The following ATG4B variants were observed in gnomAD, a reference collection of about 807,000 sequenced individuals.
The protein encoded by ATG4B is cysteine protease ATG4B.
ATG4B carries 29 observed loss-of-function variants against 56.6 expected under a neutral mutation model. The observed-to-expected ratio is 0.51, with a 90% CI of 0.38 to 0.70. The LOEUF (loss-of-function observed/expected upper bound fraction) is 0.70, where lower values mean the gene tolerates loss of function less well. ATG4B is among the 30% of genes least tolerant of loss of function. The probability of loss-of-function intolerance (pLI) is 0.00; values close to 1 mark genes in which losing one functional copy is unlikely to be tolerated. For synonymous variants in ATG4B, 224 were observed against 206.1 expected (o/e 1.09, Z -0.74); for missense variants, 461 against 515.5 (o/e 0.89, Z 1.02).
At chr2:241,670,929 G>A (rs2068948242) in intron 11 of ATG4B, 147 bp downstream of exon 11, 3 of 869,322 alleles carry the variant, frequency 3.5e-6, no homozygotes, top group East Asian at 5.3e-5. Context: ...CAGCTATGTA[G>A]CTGAGCAGGG....
rs938518700 is a variant in ATG4B at position 241,650,045 on chromosome 2, G to A, written c.11-965G>A. On this transcript the variant is annotated intron_variant, in intron 1 of 12. Transcript: ENST00000404914. ...GTGATCTGCCCACCTCGGCCTCCCA[G>A]AGTGCTGGGATCACAGGCATGAGCC... is the stretch of plus-strand genomic sequence containing the variant. Among the ~76,000 whole-genome samples the A allele has an allele frequency of 2.0e-5, 3 of 152,048 alleles. No individual in the cohort carries two copies. The South Asian group carries it at 6.2e-4, about 31-fold the overall frequency.
chr2:241,659,059 C>A, intron 6 of ATG4B, 49 bp from the exon 7 acceptor site: 1 of 1,430,404 alleles, frequency 7.0e-7, no homozygotes, highest in East Asian at 2.3e-5. Flanking sequence ...AAAGATGAAC[C>A]GTCTTTGAAT....
chr2:241,652,238 G>A (rs1392446704), intron 3 of ATG4B, among the ~76,000 whole-genome samples: 1 of 152,250 alleles, frequency 6.6e-6, no homozygotes, highest in Non-Finnish European at 1.5e-5. Flanking sequence ...TGTGCCCTGG[G>A]AATAGTTGCT....
intron 1 of ATG4B, among the ~76,000 whole-genome samples, chr2:241,647,929 C>T (rs934730343): frequency 6.6e-6 from 1 of 151,942 alleles, no homozygotes; most frequent in Non-Finnish European, 1.5e-5. Flanking sequence ...GCCTGGCTAA[C>T]ACAGTGAAAC....
intron 8 of ATG4B, among the ~76,000 whole-genome samples, chr2:241,667,134 C>T (rs1010170778): frequency 3.9e-5 from 6 of 152,162 alleles, no homozygotes; most frequent in African/African-American, 1.2e-4. Context: ...CGGGGAGCCC[C>T]GCCCCCTCCC....
intron 6 of ATG4B, among the ~76,000 whole-genome samples, chr2:241,658,434 T>G (rs2068482705): frequency 6.6e-6 from 1 of 151,850 alleles, no homozygotes; most frequent in South Asian, 2.1e-4. Flanking sequence ...CCTCCACAGG[T>G]CTTGCATTCT....
chr2:241,673,306 C>T lies in ATG4B; in HGVS notation c.*1042C>T. 2.9e-6 allele frequency: 1 copy of T among 349,348 alleles called. No individual in the cohort carries two copies. The highest frequency in any genetic ancestry group is 2.1e-5 in the South Asian group (1 of 46,834). 21.6% of individuals were successfully genotyped at this position (349,348 alleles called of 1,614,324 possible). On this transcript the variant is annotated 3_prime_UTR_variant, in exon 13 of 13. Transcript: ENST00000404914. ...CCACCACCGCCTGACCCTGTGTAAC[C>T]TGCTGTCCCGGGTCCCAGAGTGCAC...
intron 7 of ATG4B, 183 bp from the exon 8 acceptor site, chr2:241,666,462 T>A (rs2068774565): frequency 1.6e-6 from 1 of 637,014 alleles, no homozygotes; most frequent in Admixed American, 2.9e-5. Flanking sequence ...CTTTTTTCTC[T>A]GGGTGGCAAG....
Position 241,673,675 on chromosome 2 carries a change from C to T in ATG4B, c.*1411C>T, listed in dbSNP as rs752583086. 24 of 455,920 alleles carry T rather than the reference C, an allele frequency of 5.3e-5. No homozygotes were observed. Among genetic ancestry groups the T allele is most frequent in the South Asian group, 1.7e-4 (11 of 64,538 alleles). The allele number at this position is 455,920 out of a possible 1,614,324, so 28.2% of individuals were successfully genotyped here. A position where few individuals can be genotyped will look rare whatever the true frequency, so the allele number is the denominator to read the frequency against. ...TGCGATCTCCATTCCTTGGGCTCCACGTCCGAGTTCATGGTGCGCCGCTGT... is the reference window on the plus strand; with the variant it reads ...TGCGATCTCCATTCCTTGGGCTCCATGTCCGAGTTCATGGTGCGCCGCTGT... On this transcript the variant is annotated 3_prime_UTR_variant, in exon 13 of 13. Coordinates refer to ENST00000404914, the MANE Select transcript of ATG4B (RefSeq NM_013325.5).
At chr2:241,667,803 G>A (rs947431816) in intron 8 of ATG4B, 4 of 254,012 alleles carry the variant, frequency 1.6e-5, no homozygotes, top group Non-Finnish European at 3.0e-5. Flanking sequence ...CATAGGCCCC[G>A]TCTCCATCGC....
intron 6 of ATG4B, among the ~76,000 whole-genome samples, chr2:241,656,290 C>A (rs2068400799): frequency 6.6e-6 from 1 of 152,148 alleles, no homozygotes; most frequent in African/African-American, 2.4e-5. Context: ...TCTGCCACAT[C>A]CCACGTCACC....
In ATG4B at chr2:241,673,032, TGTG is replaced by T. The variant is rs1000493860; in HGVS notation, c.*772_*774del. On this transcript the variant is annotated 3_prime_UTR_variant, in exon 13 of 13. Transcript: ENST00000404914. ...GGCATTCTGTGGCAGCTTCCCCAGGTGTGGTGACGGGGGGGGGGCGGGGCCTCC... is the reference window on the plus strand; with the variant it reads ...GGCATTCTGTGGCAGCTTCCCCAGGTGTGACGGGGGGGGGGCGGGGCCTCC... 5 of 60,922 alleles carry T rather than the reference TGTG, an allele frequency of 8.2e-5. No individual in the cohort carries two copies. Among genetic ancestry groups the T allele is most frequent in the East Asian group, 3.8e-4 (1 of 2,606 alleles). 3.8% of individuals were successfully genotyped at this position (60,922 alleles called of 1,614,324 possible).
chr2:241,666,196 C>T (rs111913842), intron 7 of ATG4B, among the ~76,000 whole-genome samples: 3 of 152,348 alleles, frequency 2.0e-5, no homozygotes, highest in African/African-American at 7.2e-5. Context: ...ATCACCGCAC[C>T]CTCCGGTTGA....
chr2:241,640,279 A>G (rs1299762589), intron 1 of ATG4B, among the ~76,000 whole-genome samples: 1 of 152,232 alleles, frequency 6.6e-6, no homozygotes, highest in African/African-American at 2.4e-5. Flanking sequence ...AGGTGTTTGC[A>G]TTTAAAGGTC....
intron 1 of ATG4B, among the ~76,000 whole-genome samples, chr2:241,643,582 A>G (rs2067967318): frequency 6.7e-6 from 1 of 149,620 alleles, no homozygotes; most frequent in South Asian, 2.1e-4. Flanking sequence ...ATTTATGTAT[A>G]TATGTACATA....
chr2:241,659,129 G>T lies in ATG4B; in HGVS notation c.480G>T (p.Thr160=), dbSNP rs201030982. The T allele has an allele frequency of 3.2e-5, 51 of 1,610,742 alleles. No homozygotes were observed. Among genetic ancestry groups the T allele is most frequent in the Non-Finnish European group, 4.2e-5 (50 of 1,177,534 alleles). ...GTAGGAAGCTTGCTGTCTTCGATAC[G>T]TGGAGCTCCTTGGCGGTCCACATTG... ...QVLKKLAVFD[T]WSSLAVHIAM... The change falls in exon 7 of 13, where the codon ACG becomes ACT. Residue 160 remains threonine, a synonymous_variant. Coordinates refer to ENST00000404914, the MANE Select transcript of ATG4B (RefSeq NM_013325.5).
intron 1 of ATG4B, among the ~76,000 whole-genome samples, chr2:241,647,614 C>T (rs2068101272): frequency 8.1e-6 from 1 of 122,882 alleles, no homozygotes; most frequent in African/African-American, 3.4e-5. Flanking sequence ...CAGAGTGAGA[C>T]TCCGTCTCAA....
intron 1 of ATG4B, among the ~76,000 whole-genome samples, chr2:241,646,936 C>T (rs773006482): frequency 6.6e-6 from 1 of 152,062 alleles, no homozygotes; most frequent in Non-Finnish European, 1.5e-5. Context: ...GCACCTGCCA[C>T]CATGCCCGAG....
In ATG4B at chr2:241,671,316, C is replaced by G; in HGVS notation, c.1019C>G (p.Ser340Cys). The change falls in exon 12 of 13, where the codon TCT becomes TGT. Residue 340 changes from serine (S) to cysteine (C), a missense_variant. Physicochemically the swap from Ser to Cys is moderately radical, Grantham distance 112 (BLOSUM62 -1). Coordinates refer to ENST00000404914, the MANE Select transcript of ATG4B (RefSeq NM_013325.5). ...NDWCQQVKKL[S>C]LLGGALPMFE... ...ACGGCCATGTCTCACTAACAGCTGT[C>G]TCTGCTTGGAGGTGCCCTGCCCATG... 6.2e-7 allele frequency: 1 copy of G among 1,612,754 alleles called. No homozygotes were observed. The highest frequency in any genetic ancestry group is 1.3e-5 in the African/African-American group (1 of 75,018).
Sources: gnomAD v4.1 joint callset for allele counts (sites outside exome capture counted in the v4.1 genomes callset) on GRCh38, gnomAD v4.1.1 for gene constraint, MANE v1.5 for transcripts, NCBI Gene and HGNC (gene_info 2026-07-23, HGNC 2026-07-21) for gene names.